SEMA5A: variants seen among roughly 807,000 people sequenced by gnomAD.
SEMA5A encodes the protein semaphorin-5A.
SEMA5A carries 55 observed loss-of-function variants against 135.5 expected under a neutral mutation model. The observed-to-expected ratio is 0.41, with a 90% CI of 0.33 to 0.51. The LOEUF (loss-of-function observed/expected upper bound fraction) is 0.51. Among genes scored for constraint, SEMA5A ranks in the 20% least tolerant of loss-of-function variants. SEMA5A has a pLI of 0.37. For synonymous variants in SEMA5A, 580 were observed against 546.5 expected (o/e 1.06, Z -0.85); for missense variants, 1,290 against 1,419.9 (o/e 0.91, Z 1.47).
Position 9,433,921 on chromosome 5 carries a change from A to C in SEMA5A, c.-78+3835T>G, listed in dbSNP as rs184938008. ...AAATCAACCATAGCTCTTCTGAGCT[A>C]ATGAATTAACCCTCAATTAAAAGAA... On this transcript the variant is annotated intron_variant, in intron 2 of 22. Coordinates refer to ENST00000382496, the MANE Select transcript of SEMA5A (RefSeq NM_003966.3). Among the ~76,000 whole-genome samples, 40 of 152,344 alleles carry C rather than the reference A, an allele frequency of 2.6e-4. No homozygotes were observed. The East Asian group carries it at 7.1e-3, about 27-fold the overall frequency.
At chr5:9,078,815 C>A (rs1248841458) in intron 16 of SEMA5A, among the ~76,000 whole-genome samples, 1 of 151,976 alleles carries the variant, frequency 6.6e-6, no homozygotes, top group African/African-American at 2.4e-5. Flanking sequence ...ATACTCATGT[C>A]CTTGGGAAAC....
chr5:9,355,952 C>T (rs1579403022), intron 3 of SEMA5A, among the ~76,000 whole-genome samples: 1 of 152,176 alleles, frequency 6.6e-6, no homozygotes, highest in East Asian at 1.9e-4. Flanking sequence ...ATGGCTATGA[C>T]GATTTTGATC....
At chr5:9,161,202 C>A (rs1743234889) in intron 11 of SEMA5A, among the ~76,000 whole-genome samples, 4 of 151,920 alleles carry the variant, frequency 2.6e-5, no homozygotes, top group Admixed American at 1.3e-4. Context: ...AGTAAAGCTA[C>A]CAGGATAAAT....
Position 9,164,531 on chromosome 5 carries a change from G to A in SEMA5A, c.1274-9836C>T, listed in dbSNP as rs555524149. On this transcript the variant is annotated intron_variant, in intron 11 of 22. Coordinates refer to ENST00000382496, the MANE Select transcript of SEMA5A (RefSeq NM_003966.3). Reference sequence around the variant, plus strand: ...TCATATTATGAATAGCCTATTATTTGTAAATGTTTTCATTTATTTCACATA... The same window carrying A: ...TCATATTATGAATAGCCTATTATTTATAAATGTTTTCATTTATTTCACATA... Among the ~76,000 whole-genome samples, 321 of 151,864 alleles carry A rather than the reference G, an allele frequency of 2.1e-3. 1 individual carries two copies. The highest frequency in any genetic ancestry group is 6.8e-3 in the South Asian group (33 of 4,818).
intron 11 of SEMA5A, among the ~76,000 whole-genome samples, chr5:9,158,078 T>C (rs758645448): frequency 1.3e-5 from 2 of 152,228 alleles, no homozygotes; most frequent in South Asian, 4.1e-4. Context: ...CAGTAGAGAT[T>C]AGATGTTTCA....
chr5:9,176,740 T>C (rs1355488586), intron 11 of SEMA5A, among the ~76,000 whole-genome samples: 1 of 152,180 alleles, frequency 6.6e-6, no homozygotes, highest in Admixed American at 6.5e-5. Context: ...TGTCAGAGGT[T>C]GGCCCCTGAC....
In SEMA5A at chr5:9,197,211, C is replaced by A. The variant is rs765699881; in HGVS notation, c.1025G>T (p.Arg342Leu). ...GTTGGGATACGGTAGCCAGGCCGAG[C>A]GCGAGTTTTCTTGGTACTTGAAGGG... ...SGPFKYQENS[R>L]SAWLPYPNPN... The change falls in exon 10 of 23, where the codon CGC becomes CTC. Residue 342 changes from arginine to leucine, a missense_variant. Arg to Leu is a moderately radical substitution (Grantham distance 102). Transcript: ENST00000382496. 6.2e-7 allele frequency: 1 copy of A among 1,614,164 alleles called. No homozygotes were observed. The highest frequency in any genetic ancestry group is 2.2e-5 in the East Asian group (1 of 44,866).
At chr5:9,294,338 A>G (rs4702619) in intron 5 of SEMA5A, among the ~76,000 whole-genome samples, 144,826 of 152,200 alleles carry the variant, frequency 0.95, 69,308 homozygotes, top group Non-Finnish European at 1. Flanking sequence ...ACCATGGGCC[A>G]CTTTCCATCC....
intron 3 of SEMA5A, among the ~76,000 whole-genome samples, chr5:9,354,862 G>A (rs1754373560): frequency 6.6e-6 from 1 of 152,144 alleles, no homozygotes; most frequent in Admixed American, 6.5e-5. Flanking sequence ...TAGGCAAAGG[G>A]CATTCCAAGA....
chr5:9,310,435 C>T (rs1039066007), intron 5 of SEMA5A, among the ~76,000 whole-genome samples: 5 of 151,906 alleles, frequency 3.3e-5, no homozygotes, highest in Admixed American at 2.0e-4. Flanking sequence ...ACAATAAGAA[C>T]ATATGACAAA....
intron 1 of SEMA5A, among the ~76,000 whole-genome samples, chr5:9,481,939 A>T (rs1263058680): frequency 6.6e-6 from 1 of 152,204 alleles, no homozygotes; most frequent in South Asian, 2.1e-4. Context: ...CAGATCCCCA[A>T]TGAGAGCACA....
intron 2 of SEMA5A, among the ~76,000 whole-genome samples, chr5:9,421,028 C>CA (rs373020845): frequency 7.9e-5 from 12 of 152,124 alleles, no homozygotes; most frequent in African/African-American, 2.7e-4. Context: ...AACAAACAAA[C>CA]AAAAAAGAAT....
At chr5:9,202,388 CTT>C in intron 8 of SEMA5A, 148 bp from the exon 9 acceptor site, 20 of 675,310 alleles carry the variant, frequency 3.0e-5, no homozygotes, top group South Asian at 9.0e-5. Flanking sequence ...CCGTGAGCAG[CTT>C]AATGATCTAC....
chr5:9,202,022 T>A lies in SEMA5A; in HGVS notation c.865A>T (p.Asn289Tyr). Residue 289 changes from asparagine (N) to tyrosine (Y), a missense_variant, in exon 9 of 23, where the codon AAC (asparagine) becomes TAC (tyrosine). Physicochemically the swap from Asn to Tyr is moderately radical, Grantham distance 143. Coordinates refer to ENST00000382496, the MANE Select transcript of SEMA5A (RefSeq NM_003966.3). ...AGGAAGAAAGTACTCTGCAATTCGT[T>A]GTAGTAAAAGGGGACTTCCCCAGGA... is the stretch of plus-strand genomic sequence containing the variant. ...SRPGEVPFYY[N>Y]ELQSTFFLPE... 4 of 1,614,100 alleles carry A rather than the reference T, an allele frequency of 2.5e-6. No homozygotes were observed. The highest frequency in any genetic ancestry group is 2.5e-6 in the Non-Finnish European group (3 of 1,180,002).
At chr5:9,195,892 C>A (rs1745360379) in intron 10 of SEMA5A, among the ~76,000 whole-genome samples, 1 of 152,220 alleles carries the variant, frequency 6.6e-6, no homozygotes, top group Non-Finnish European at 1.5e-5. Flanking sequence ...TAACTAATGG[C>A]CATTTAGTTG....
In SEMA5A at chr5:9,202,063, C is replaced by T. The variant is rs772769468; in HGVS notation, c.824G>A (p.Arg275His). ...EDTWTTFMKA[R>H]LNCSRPGEVP... ...TTCCCCAGGACGGGAGCAGTTCAGG[C>T]GAGCCTTCATGAATGTGGTCCAGGT... is the stretch of plus-strand genomic sequence containing the variant. The change falls in exon 9 of 23, where the codon CGC (arginine) becomes CAC (histidine). Residue 275 changes from arginine to histidine, a missense_variant. Around this residue, in one of 3 missense-constraint regions of SEMA5A, gnomAD observed 1,029 missense variants for 1,086.6 expected, o/e 0.95. Coordinates refer to ENST00000382496, the MANE Select transcript of SEMA5A (RefSeq NM_003966.3). The T allele has an allele frequency of 2.1e-5, 34 of 1,614,074 alleles. No homozygotes were observed. Among genetic ancestry groups the T allele is most frequent in the Middle Eastern group, 3.3e-4 (2 of 6,084 alleles).
intron 11 of SEMA5A, among the ~76,000 whole-genome samples, chr5:9,156,839 C>G (rs1007121560): frequency 3.3e-5 from 5 of 152,242 alleles, no homozygotes; most frequent in Admixed American, 3.3e-4. Context: ...AAATTAACAA[C>G]AGTCCAAATG....
At chr5:9,401,951 T>A (rs401991) in intron 2 of SEMA5A, among the ~76,000 whole-genome samples, 78,051 of 152,024 alleles carry the variant, frequency 0.51, 20,264 homozygotes, top group Admixed American at 0.6. Context: ...CCCGTGTATG[T>A]GTTGCTACAC....
intron 16 of SEMA5A, among the ~76,000 whole-genome samples, chr5:9,072,441 A>G (rs1236456756): frequency 6.6e-6 from 1 of 152,236 alleles, no homozygotes; most frequent in African/African-American, 2.4e-5. Flanking sequence ...AGTACAAATC[A>G]GGTAACAGAG....
Sources: gnomAD v4.1 joint callset for allele counts (sites outside exome capture counted in the v4.1 genomes callset) on GRCh38, gnomAD v4.1.1 for gene constraint, gnomAD v4.1.1 regional missense constraint, MANE v1.5 for transcripts, NCBI Gene and HGNC (gene_info 2026-07-23, HGNC 2026-07-21) for gene names.